SUZ12: variants seen among roughly 807,000 people sequenced by gnomAD.
The protein encoded by SUZ12 is polycomb protein SUZ12.
A neutral mutation model predicts 87.3 loss-of-function variants in SUZ12; 17 were observed. That is an observed-to-expected ratio of 0.19 (90% CI 0.13 to 0.29). SUZ12 has a LOEUF of 0.29. Ranked by LOEUF, SUZ12 falls within the 10% of genes least tolerant of loss-of-function variation. The pLI, the probability that SUZ12 is intolerant of heterozygous loss-of-function variation, is 1.00. For missense variants in SUZ12, 526 were observed against 912.2 expected (o/e 0.58, Z 5.45); for synonymous variants, 253 against 312.4 (o/e 0.81, Z 2.01).
intron 13 of SUZ12, 72 bp downstream of exon 13, chr17:31,994,793 G>GATGA: frequency 6.6e-7 from 1 of 1,516,254 alleles, no homozygotes; most frequent in Non-Finnish European, 8.9e-7. Context: ...AAAGGAGCCA[G>GATGA]ATGAAGCTAC....
chr17:31,998,884 A>G lies in SUZ12; in HGVS notation c.2101A>G (p.Ile701Val), dbSNP rs1040408992. 1 of 1,613,502 alleles carries G rather than the reference A, an allele frequency of 6.2e-7. No homozygotes were observed. Among genetic ancestry groups the G allele is most frequent in the African/African-American group, 1.3e-5 (1 of 74,916 alleles). The change falls in exon 16 of 16, where the codon ATA becomes GTA. Residue 701 changes from isoleucine to valine, a missense_variant. Physicochemically the swap from Ile to Val is conservative, Grantham distance 29 (BLOSUM62 3). Coordinates refer to ENST00000322652, the MANE Select transcript of SUZ12 (RefSeq NM_015355.4). Reference protein sequence around the residue: ...GESASPANEEITEEQNGTANG... With the variant: ...GESASPANEEVTEEQNGTANG... ...ATCTGCTTCCCCTGCAAACGAAGAA[A>G]TAACTGAAGAACAAAATGGGACAGC...
intron 10 of SUZ12, among the ~76,000 whole-genome samples, chr17:31,990,317 A>C (rs1243229989): frequency 6.6e-6 from 1 of 151,182 alleles, no homozygotes; most frequent in East Asian, 2.0e-4. Context: ...TCACCGTGTT[A>C]GCCAGGATGG....
intron 9 of SUZ12, among the ~76,000 whole-genome samples, chr17:31,985,333 T>A (rs905310642): frequency 2.0e-5 from 3 of 151,886 alleles, no homozygotes; most frequent in African/African-American, 4.8e-5. Context: ...CAGCATTTTT[T>A]AAATAATGAA....
chr17:31,970,294 T>A (rs1356796666), intron 5 of SUZ12, among the ~76,000 whole-genome samples: 10 of 152,144 alleles, frequency 6.6e-5, no homozygotes, highest in Non-Finnish European at 1.2e-4. Context: ...CAAATGTGTT[T>A]TACACACACA....
chr17:31,946,399 G>T (rs553082500), intron 3 of SUZ12, among the ~76,000 whole-genome samples: 19 of 152,106 alleles, frequency 1.2e-4, no homozygotes, highest in Non-Finnish European at 1.8e-4. Flanking sequence ...AGGCGTGGTG[G>T]TGCACACCTG....
chr17:31,994,599 C>G lies in SUZ12; in HGVS notation c.1473C>G (p.Ile491Met). ...HPKGARIDVS[I>M]NECYDGSYAG... is the part of the protein sequence containing the mutation. ...AAGGTGCTAGGATAGATGTTTCTAT[C>G]AATGAGTGTTATGATGGCTCCTATG... Residue 491 changes from isoleucine (I) to methionine (M), a missense_variant, in exon 13 of 16, where the codon ATC becomes ATG. By Grantham distance (10) the Ile-to-Met change is conservative. Coordinates refer to ENST00000322652, the MANE Select transcript of SUZ12 (RefSeq NM_015355.4). 2 of 1,613,330 alleles carry G rather than the reference C, an allele frequency of 1.2e-6. No homozygotes were observed. Among genetic ancestry groups the G allele is most frequent in the Admixed American group, 1.7e-5 (1 of 59,930 alleles).
At chr17:31,965,313 T>C (rs1185074830) in intron 4 of SUZ12, among the ~76,000 whole-genome samples, 3 of 152,216 alleles carry the variant, frequency 2.0e-5, no homozygotes, top group African/African-American at 7.2e-5. Context: ...ATGGAAACTA[T>C]GCTCAGGAGA....
At chr17:31,949,562 A>T (rs546986581) in intron 4 of SUZ12, among the ~76,000 whole-genome samples, 1 of 137,904 alleles carries the variant, frequency 7.3e-6, no homozygotes, top group East Asian at 2.3e-4. Context: ...CAGTGGTGCT[A>T]TCTCAGCTCA....
At position 31,998,527 on chromosome 17, in the gene SUZ12, A is replaced by G. The variant is rs958424246; in HGVS notation, c.1875-131A>G. On this transcript the variant is annotated intron_variant, in intron 15 of 15. Coordinates refer to ENST00000322652, the MANE Select transcript of SUZ12 (RefSeq NM_015355.4). ...CAGATGATTGAATTTCAGTTTCTCT[A>G]TAGTTTTACTGCTTCTTTAATCATC... 27 of 635,976 alleles carry G rather than the reference A, an allele frequency of 4.2e-5. No individual in the cohort carries two copies. The Admixed American group carries it at 8.9e-4, about 21-fold the overall frequency. 39.4% of individuals were successfully genotyped at this position (635,976 alleles called of 1,614,324 possible).
rs34314619 is a variant in SUZ12 at position 31,945,061 on chromosome 17, C to CA, written c.387-2533dup. Reference sequence around the variant, plus strand: ...TGGGCAGTAGAGGGAGATGGTGTCTCAAAAAAAAAAAAAAAAAAAAAAAGT... The same window carrying CA: ...TGGGCAGTAGAGGGAGATGGTGTCTCAAAAAAAAAAAAAAAAAAAAAAAAGT... On this transcript the variant is annotated intron_variant, in intron 3 of 15. Coordinates refer to ENST00000322652, the MANE Select transcript of SUZ12 (RefSeq NM_015355.4). Among the ~76,000 whole-genome samples, 152 of 79,098 alleles carry CA rather than the reference C, an allele frequency of 1.9e-3. 3 individuals carry two copies. The South Asian group carries it at 0.046, about 24-fold the overall frequency. 51.9% of individuals were successfully genotyped at this position (79,098 alleles called of 152,430 possible).
chr17:31,995,452 T>C, intron 13 of SUZ12, 112 bp from the exon 14 acceptor site: 1 of 776,914 alleles, frequency 1.3e-6, no homozygotes, highest in Non-Finnish European at 2.1e-6. Flanking sequence ...GTTTTATGGT[T>C]AGTTTTATAA....
At chr17:31,973,076 T>G in intron 5 of SUZ12, 70 bp from the exon 6 acceptor site, 1 of 1,408,742 alleles carries the variant, frequency 7.1e-7, no homozygotes, top group Non-Finnish European at 9.5e-7. Flanking sequence ...GTTCCCTGAC[T>G]TGTTAGCAAA....
Position 31,965,089 on chromosome 17 carries a change from G to T in SUZ12, c.456-1058G>T, listed in dbSNP as rs577966237. ...TTCCTTAGTACTCTCTTGCCACAAT[G>T]TCTTTCTGTAACTGTTCCCATCTGA... On this transcript the variant is annotated intron_variant, in intron 4 of 15. Transcript: ENST00000322652. Among the ~76,000 whole-genome samples the T allele has an allele frequency of 3.9e-5, 6 of 152,024 alleles. 1 individual carries two copies. The South Asian group carries it at 1.2e-3, about 32-fold the overall frequency.
At chr17:31,979,095 T>C (rs1243485441) in intron 8 of SUZ12, among the ~76,000 whole-genome samples, 2 of 115,570 alleles carry the variant, frequency 1.7e-5, no homozygotes. Context: ...ACAGCGAGAC[T>C]GTGTCTCCAA....
chr17:31,954,251 C>T (rs746440423), intron 4 of SUZ12, among the ~76,000 whole-genome samples: 2 of 151,260 alleles, frequency 1.3e-5, no homozygotes, highest in African/African-American at 4.9e-5. Flanking sequence ...TTGGTAGAGA[C>T]GGGGTTTCAC....
intron 3 of SUZ12, among the ~76,000 whole-genome samples, chr17:31,947,058 T>G (rs1906680708): frequency 6.6e-6 from 1 of 152,184 alleles, no homozygotes; most frequent in African/African-American, 2.4e-5. Context: ...TATAGAATAT[T>G]TCTTTTTTTA....
intron 4 of SUZ12, among the ~76,000 whole-genome samples, chr17:31,949,105 C>A (rs985028179): frequency 6.6e-6 from 1 of 152,162 alleles, no homozygotes; most frequent in Non-Finnish European, 1.5e-5. Context: ...GAACACTGGA[C>A]CCTTCTCTTC....
chr17:31,946,520 G>C (rs1436336312), intron 3 of SUZ12, among the ~76,000 whole-genome samples: 1 of 152,108 alleles, frequency 6.6e-6, no homozygotes, highest in African/African-American at 2.4e-5. Context: ...CAACAAGAGT[G>C]ACACTCCCAT....
intron 7 of SUZ12, 22 bp downstream of exon 7, chr17:31,975,735 T>G: frequency 1.3e-6 from 2 of 1,557,534 alleles, no homozygotes; most frequent in South Asian, 2.3e-5. Context: ...TTTTACTAGA[T>G]TTTATCACTG....
Sources: allele counts gnomAD v4.1 joint callset (sites outside exome capture counted in the v4.1 genomes callset), GRCh38; gene constraint gnomAD v4.1.1; transcripts MANE v1.5; gene names NCBI Gene and HGNC (gene_info 2026-07-23, HGNC 2026-07-21).